KLF3: variants seen among roughly 807,000 people sequenced by gnomAD.
KLF3 encodes the protein Krueppel-like factor 3.
Under a neutral mutation model 32.7 loss-of-function variants are expected in KLF3, and 6 were observed. The ratio of observed to expected loss-of-function variants is 0.18; its 90% CI spans 0.10 to 0.36. KLF3 has a LOEUF of 0.36. Ranked by LOEUF, KLF3 falls within the 10% of genes least tolerant of loss-of-function variation. The pLI is 1.00. For missense variants in KLF3, 338 were observed against 449.7 expected, an observed-to-expected ratio of 0.75 and a Z score of 2.25; for synonymous variants, 145 against 172.8, an observed-to-expected ratio of 0.84 and a Z score of 1.26.
chr4:38,685,419 A>G (rs528353825), intron 2 of KLF3, among the ~76,000 whole-genome samples: 2 of 152,324 alleles, frequency 1.3e-5, no homozygotes, highest in South Asian at 2.1e-4. Flanking sequence ...GAGGGCATTC[A>G]TTTGAGAACA....
At chr4:38,667,424 C>T (rs1001466600) in intron 1 of KLF3, among the ~76,000 whole-genome samples, 1 of 152,180 alleles carries the variant, frequency 6.6e-6, no homozygotes, top group Non-Finnish European at 1.5e-5. Context: ...TATCATGTCT[C>T]TACACACTTG....
chr4:38,679,853 T>C (rs1172274313), intron 1 of KLF3, among the ~76,000 whole-genome samples: 2 of 152,230 alleles, frequency 1.3e-5, no homozygotes, highest in African/African-American at 4.8e-5. Context: ...GATGGTTGGT[T>C]CTAGGTTTTC....
At chr4:38,668,723 A>G (rs1238843486) in intron 1 of KLF3, among the ~76,000 whole-genome samples, 2 of 152,220 alleles carry the variant, frequency 1.3e-5, no homozygotes, top group South Asian at 2.1e-4. Flanking sequence ...GTTGTTAACA[A>G]TCTAACTAGG....
chr4:38,677,889 GTGTGTGT>G (rs1024777093), intron 1 of KLF3, among the ~76,000 whole-genome samples: 1 of 149,012 alleles, frequency 6.7e-6, no homozygotes, highest in African/African-American at 2.6e-5. Flanking sequence ...GTGTGTGTGT[GTGTGTGT>G]GTGTGTGTGT....
intron 1 of KLF3, among the ~76,000 whole-genome samples, chr4:38,670,600 C>T (rs577005376): frequency 6.6e-6 from 1 of 152,352 alleles, no homozygotes; most frequent in South Asian, 2.1e-4. Flanking sequence ...AAGCTTCACA[C>T]TCCAAAGCCT....
intron 2 of KLF3, among the ~76,000 whole-genome samples, chr4:38,686,795 A>G (rs1722714043): frequency 6.6e-6 from 1 of 152,220 alleles, no homozygotes; most frequent in South Asian, 2.1e-4. Context: ...CTGACATCCA[A>G]ACCAGATAAA....
rs1030740325 is a variant in KLF3 at position 38,664,392 on chromosome 4, G to T, written c.-109G>T. ...TGGAGCCCTGACATTGCTGCGCTCG[G>T]GGGGCTCCAGGCAGCCCGTATCGGG... On this transcript the variant is annotated 5_prime_UTR_variant, in exon 1 of 6. Transcript: ENST00000261438. 1 of 152,068 alleles carries T rather than the reference G, an allele frequency of 6.6e-6. No individual in the cohort carries two copies. The highest frequency in any genetic ancestry group is 1.5e-5 in the Non-Finnish European group (1 of 68,020). 9.4% of individuals were successfully genotyped at this position (152,068 alleles called of 1,614,324 possible). A position where few individuals can be genotyped will look rare whatever the true frequency, so the allele number is the denominator to read the frequency against.
Position 38,674,434 on chromosome 4 carries a change from C to CTTTTTTTTTTTT in KLF3, c.-39-6152_-39-6141dup, listed in dbSNP as rs11455486. ...TTACACACACACATGCACACACCGC[C>CTTTTTTTTTTTT]TTTTTTTTTTTTCTTTTTTTGCCTT... On this transcript the variant is annotated intron_variant, in intron 1 of 5. Transcript: ENST00000261438. The surrounding 1 kb of genome is among the most constrained non-coding windows in gnomAD (Gnocchi z 4.1). Among the ~76,000 whole-genome samples, 2 of 146,568 alleles carry CTTTTTTTTTTTT rather than the reference C, an allele frequency of 1.4e-5. No individual in the cohort carries two copies. Among genetic ancestry groups the CTTTTTTTTTTTT allele is most frequent in the Non-Finnish European group, 1.5e-5 (1 of 66,728 alleles).
intron 2 of KLF3, among the ~76,000 whole-genome samples, chr4:38,685,010 C>T (rs1389265641): frequency 1.3e-5 from 2 of 152,158 alleles, no homozygotes; most frequent in South Asian, 2.1e-4. Context: ...GAGGTCCATC[C>T]GTGGCCAGAG....
intron 1 of KLF3, among the ~76,000 whole-genome samples, chr4:38,677,595 C>G (rs972318528): frequency 6.6e-6 from 1 of 152,194 alleles, no homozygotes; most frequent in Non-Finnish European, 1.5e-5. Context: ...TGGGGAGATG[C>G]TGGCCTCGCT....
At chr4:38,675,803 G>C (rs897969946) in intron 1 of KLF3, among the ~76,000 whole-genome samples, 2 of 152,174 alleles carry the variant, frequency 1.3e-5, no homozygotes, top group Non-Finnish European at 2.9e-5. Context: ...CTTTCAGAAT[G>C]GTAATAACCC....
At chr4:38,670,714 G>T (rs1722175095) in intron 1 of KLF3, among the ~76,000 whole-genome samples, 1 of 152,206 alleles carries the variant, frequency 6.6e-6, no homozygotes, top group Admixed American at 6.5e-5. Flanking sequence ...CATTTTAGAA[G>T]ATGAGGTTTC....
chr4:38,696,421 C>T (rs1333827252), intron 5 of KLF3, among the ~76,000 whole-genome samples: 1 of 152,012 alleles, frequency 6.6e-6, no homozygotes, highest in African/African-American at 2.4e-5. Flanking sequence ...CTCCCTTCAT[C>T]CTGGTTCTCC....
At chr4:38,666,728 GAC>G (rs1427224894) in intron 1 of KLF3, among the ~76,000 whole-genome samples, 1 of 152,206 alleles carries the variant, frequency 6.6e-6, no homozygotes, top group African/African-American at 2.4e-5. Context: ...ATTTGAAAAA[GAC>G]AGTGAAAATT....
chr4:38,666,968 A>C (rs529198309), intron 1 of KLF3, among the ~76,000 whole-genome samples: 1 of 152,380 alleles, frequency 6.6e-6, no homozygotes, highest in South Asian at 2.1e-4. Flanking sequence ...AATGGGGCAG[A>C]AAGGGACAAA....
intron 1 of KLF3, among the ~76,000 whole-genome samples, 167 bp from the exon 2 acceptor site, chr4:38,680,420 G>T (rs1375886043): frequency 6.6e-6 from 1 of 152,082 alleles, no homozygotes; most frequent in South Asian, 2.1e-4. Flanking sequence ...CACCATGTTG[G>T]CCAGGCTGGT....
chr4:38,693,118 A>ATG lies in KLF3; in HGVS notation c.696-1627_696-1626insGT, dbSNP rs1553894849. Among the ~76,000 whole-genome samples the ATG allele has an allele frequency of 0.011, 79 of 7,198 alleles. No individual in the cohort carries two copies. In the South Asian group the frequency reaches 0.19, roughly 17 times the overall value. 4.7% of individuals were successfully genotyped at this position (7,198 alleles called of 152,430 possible). A position where few individuals can be genotyped will look rare whatever the true frequency, so the allele number is the denominator to read the frequency against. ...TATATATATATGTACATATATATAC[A>ATG]TATATATATACGTGTATATATATGT... On this transcript the variant is annotated intron_variant, in intron 4 of 5. Transcript: ENST00000261438.
intron 2 of KLF3, among the ~76,000 whole-genome samples, chr4:38,682,580 C>T (rs6531656): frequency 0.86 from 131,455 of 152,158 alleles, 57,394 homozygotes; most frequent in African/African-American, 0.97. Context: ...TTCAATGTAC[C>T]TCCAGTGCTT....
intron 2 of KLF3, among the ~76,000 whole-genome samples, chr4:38,681,268 A>C (rs1304284456): frequency 6.6e-6 from 1 of 152,192 alleles, no homozygotes; most frequent in African/African-American, 2.4e-5. Flanking sequence ...CTCATGACAG[A>C]AGTAAGTTTA....
Sources: allele counts gnomAD v4.1 joint callset (sites outside exome capture counted in the v4.1 genomes callset), GRCh38; gene constraint gnomAD v4.1.1; non-coding constraint Gnocchi (gnomAD v3.1); transcripts MANE v1.5; gene names NCBI Gene and HGNC (gene_info 2026-07-23, HGNC 2026-07-21).